NTRK2: variants seen among roughly 807,000 people sequenced by gnomAD.
The protein encoded by NTRK2 is BDNF/NT-3 growth factors receptor.
NTRK2 carries 13 observed loss-of-function variants against 94.5 expected under a neutral mutation model. That is an observed-to-expected ratio of 0.14 (90% CI 0.09 to 0.22). The LOEUF (loss-of-function observed/expected upper bound fraction) is 0.22. Among genes scored for constraint, NTRK2 ranks in the 10% least tolerant of loss-of-function variants. The pLI, the probability that NTRK2 is intolerant of heterozygous loss-of-function variation, is 1.00. For missense variants in NTRK2, 639 were observed against 1,071.2 expected, an observed-to-expected ratio of 0.60 and a Z score of 5.63; for synonymous variants, 372 against 407.4, an observed-to-expected ratio of 0.91 and a Z score of 1.05.
At chr9:84,928,523 A>G (rs1433665029) in intron 14 of NTRK2, among the ~76,000 whole-genome samples, 1 of 152,102 alleles carries the variant, frequency 6.6e-6, no homozygotes, top group East Asian at 1.9e-4. Context: ...ATGTCAGGAA[A>G]CCCTCTCTGT....
intron 12 of NTRK2, among the ~76,000 whole-genome samples, chr9:84,836,186 G>T (rs1477414870): frequency 1.3e-5 from 2 of 152,172 alleles, no homozygotes; most frequent in Non-Finnish European, 2.9e-5. Context: ...ATTAATCAAA[G>T]AGTTACTATT....
chr9:84,983,657 T>C (rs1382088338), intron 17 of NTRK2, among the ~76,000 whole-genome samples: 1 of 152,204 alleles, frequency 6.6e-6, no homozygotes, highest in Non-Finnish European at 1.5e-5. Context: ...TGGGTATTTG[T>C]AGGATCATTC....
intron 12 of NTRK2, among the ~76,000 whole-genome samples, chr9:84,829,013 T>C (rs1238387467): frequency 6.6e-6 from 1 of 152,048 alleles, no homozygotes; most frequent in East Asian, 1.9e-4. Context: ...GTTTGTTTGT[T>C]TTGAGATGGG....
chr9:84,737,092 G>A (rs550188740), intron 9 of NTRK2, among the ~76,000 whole-genome samples: 52 of 152,308 alleles, frequency 3.4e-4, no homozygotes, highest in Admixed American at 1.0e-3. Flanking sequence ...TCTGCAAATA[G>A]AATGGATAGA....
chr9:84,840,846 G>A (rs1445146910), intron 12 of NTRK2, among the ~76,000 whole-genome samples: 3 of 152,032 alleles, frequency 2.0e-5, no homozygotes, highest in Non-Finnish European at 4.4e-5. Flanking sequence ...TTCAGAGGTC[G>A]TTGCATTGCT....
At chr9:84,937,862 A>G (rs528680391) in intron 15 of NTRK2, among the ~76,000 whole-genome samples, 12 of 152,304 alleles carry the variant, frequency 7.9e-5, no homozygotes, top group South Asian at 4.1e-4. Flanking sequence ...TGCAATTCCT[A>G]TAACATTTCC....
At chr9:84,895,676 T>C (rs1007931575) in intron 14 of NTRK2, among the ~76,000 whole-genome samples, 3 of 152,196 alleles carry the variant, frequency 2.0e-5, no homozygotes, top group Non-Finnish European at 4.4e-5. Flanking sequence ...ATGTCTCAGC[T>C]CTTTGGGGAG....
chr9:84,798,569 T>G (rs74798752), intron 12 of NTRK2, among the ~76,000 whole-genome samples: 1 of 152,156 alleles, frequency 6.6e-6, no homozygotes, highest in African/African-American at 2.4e-5. Context: ...ACCTTCCTTA[T>G]GTCCTAAGTG....
chr9:84,887,352 C>T (rs888439338), intron 14 of NTRK2, among the ~76,000 whole-genome samples: 17 of 152,128 alleles, frequency 1.1e-4, no homozygotes, highest in African/African-American at 3.1e-4. Context: ...GGTTAACTTA[C>T]GGTTATCTTC....
At chr9:84,712,401 T>C (rs2061469334) in intron 6 of NTRK2, among the ~76,000 whole-genome samples, 1 of 152,160 alleles carries the variant, frequency 6.6e-6, no homozygotes, top group Admixed American at 6.5e-5. Context: ...TTTATTTCTG[T>C]TTTCTACAAA....
At chr9:84,832,589 T>G (rs1465273153) in intron 12 of NTRK2, among the ~76,000 whole-genome samples, 1 of 152,178 alleles carries the variant, frequency 6.6e-6, no homozygotes, top group African/African-American at 2.4e-5. Context: ...AATCACATGA[T>G]GCAGCATCGT....
rs138479845 is a variant in NTRK2 at position 84,700,922 on chromosome 9, C to A, written c.213-1237C>A. 6.8e-4 allele frequency among the ~76,000 whole-genome samples: 103 copies of A among 152,244 alleles called. 1 individual carries two copies. Among genetic ancestry groups the A allele is most frequent in the African/African-American group, 2.4e-3 (99 of 41,534 alleles). On this transcript the variant is annotated intron_variant, in intron 2 of 18. Coordinates refer to ENST00000277120, the MANE Select transcript of NTRK2 (RefSeq NM_006180.6). The stretch of plus-strand genomic sequence containing the variant: ...TTTCTCCATCTGTCCATCCATCCGT[C>A]CATCCATCCATCCATCCATCCTTTG...
chr9:85,004,047 G>GAAAGAAAGAAA (rs1564542231), intron 17 of NTRK2, among the ~76,000 whole-genome samples: 1 of 39,784 alleles, frequency 2.5e-5, no homozygotes, highest in African/African-American at 1.2e-4. Flanking sequence ...GAAAGAAAGG[G>GAAAGAAAGAAA]AGAAAGAGAA....
intron 14 of NTRK2, among the ~76,000 whole-genome samples, chr9:84,869,623 C>T (rs2075752837): frequency 1.3e-5 from 2 of 151,796 alleles, no homozygotes; most frequent in Non-Finnish European, 2.9e-5. Context: ...AGTATGAGCA[C>T]TCTCATGTGT....
rs1052495703 is a variant in NTRK2, at chr9:84,955,126, C to T, written c.1938-157C>T. On this transcript the variant is annotated intron_variant, in intron 16 of 18. Coordinates refer to ENST00000277120, the MANE Select transcript of NTRK2 (RefSeq NM_006180.6). ...AGTACAACTGTGTGAGCACCTTTGT[C>T]TCCTCTTCATGCTAAGTCAGGCAGC... is the stretch of plus-strand genomic sequence containing the variant. 4.1e-4 allele frequency among the ~76,000 whole-genome samples: 62 copies of T among 152,178 alleles called. 1 individual carries two copies. The highest frequency in any genetic ancestry group is 8.8e-5 in the Non-Finnish European group (6 of 68,026).
chr9:84,742,805 T>C (rs2063759627), intron 10 of NTRK2, among the ~76,000 whole-genome samples: 1 of 140,438 alleles, frequency 7.1e-6, no homozygotes, highest in Non-Finnish European at 1.5e-5. Context: ...TTTTTTTTTT[T>C]TTTTTTTTTT....
At chr9:84,767,552 C>G (rs2066154057) in intron 12 of NTRK2, among the ~76,000 whole-genome samples, 1 of 152,194 alleles carries the variant, frequency 6.6e-6, no homozygotes, top group African/African-American at 2.4e-5. Context: ...TAGTGGAGAT[C>G]TAATTATCCA....
intron 14 of NTRK2, among the ~76,000 whole-genome samples, chr9:84,932,857 G>A (rs1042196395): frequency 1.3e-5 from 2 of 152,138 alleles, no homozygotes; most frequent in Admixed American, 1.3e-4. Context: ...CCTGGCAATT[G>A]TTTTTACTTT....
intron 2 of NTRK2, among the ~76,000 whole-genome samples, chr9:84,681,234 C>T (rs1182187006): frequency 2.6e-5 from 4 of 152,088 alleles, no homozygotes; most frequent in African/African-American, 9.7e-5. Context: ...CTTCTTATTT[C>T]TAAACAAAAT....
Sources: gnomAD v4.1 joint callset for allele counts (sites outside exome capture counted in the v4.1 genomes callset) on GRCh38, gnomAD v4.1.1 for gene constraint, MANE v1.5 for transcripts, NCBI Gene and HGNC (gene_info 2026-07-23, HGNC 2026-07-21) for gene names.